The following PAH variants were observed in gnomAD, a reference collection of about 807,000 sequenced individuals.
The protein encoded by PAH is phenylalanine hydroxylase, also known as phenylalanine-4-hydroxylase.
A neutral mutation model predicts 62.0 loss-of-function variants in PAH; 64 were observed. That is an observed-to-expected ratio of 1.03 (90% CI 0.84 to 1.27). The LOEUF (loss-of-function observed/expected upper bound fraction) is 1.27. PAH is among the 50% of genes most tolerant of loss of function. The pLI, the probability that PAH is intolerant of heterozygous loss-of-function variation, is 0.00. For synonymous variants in PAH, 195 were observed against 196.2 expected, an observed-to-expected ratio of 0.99 and a Z score of 0.05; for missense variants, 579 against 542.8, an observed-to-expected ratio of 1.07 and a Z score of -0.66.
At chr12:102,880,904 A>G (rs554468135) in intron 3 of PAH, among the ~76,000 whole-genome samples, 44 of 151,786 alleles carry the variant, frequency 2.9e-4, no homozygotes, top group Middle Eastern at 7.0e-3. Flanking sequence ...ATAATTGAAC[A>G]ATAAAAAATG....
At chr12:102,929,126 T>C (rs1421358411) in intron 1 of PAH, among the ~76,000 whole-genome samples, 1 of 152,154 alleles carries the variant, frequency 6.6e-6, no homozygotes, top group Non-Finnish European at 1.5e-5. Flanking sequence ...CCTTCCACCA[T>C]GATTGTCAGT....
At chr12:102,871,949 A>AATATATATAT (rs1232144620) in intron 4 of PAH, among the ~76,000 whole-genome samples, 3 of 30,320 alleles carry the variant, frequency 9.9e-5, no homozygotes, top group African/African-American at 4.8e-4. Flanking sequence ...AAAAAAAAAA[A>AATATATATAT]ATATATATAT....
intron 4 of PAH, among the ~76,000 whole-genome samples, chr12:102,869,897 TAGC>T (rs1413203634): frequency 6.6e-6 from 1 of 152,244 alleles, no homozygotes; most frequent in Non-Finnish European, 1.5e-5. Context: ...TTTAGACTAA[TAGC>T]AGCAATTTCA....
Position 102,851,665 on chromosome 12 carries a change from G to A in PAH, c.912+22C>T, listed in dbSNP as rs746006793. On this transcript the variant is annotated intron_variant, in intron 8 of 12. Coordinates refer to ENST00000553106, the MANE Select transcript of PAH (RefSeq NM_000277.3). Reference sequence around the variant, plus strand: ...TCAGGTCACAGACCTATAACTAGAAGGCTAAAAAATCCATTCCTTACCTGG... The same window carrying A: ...TCAGGTCACAGACCTATAACTAGAAAGCTAAAAAATCCATTCCTTACCTGG... The A allele has an allele frequency of 2.5e-6, 4 of 1,607,824 alleles. No homozygotes were observed. The South Asian group carries it at 3.3e-5, about 13-fold the overall frequency.
chr12:102,958,252 G>A (rs2136784866), exon 1 of PAH: 1 of 1,472,506 alleles, frequency 6.8e-7, no homozygotes, highest in Non-Finnish European at 9.0e-7. Context: ...CGCATGGAAA[G>A]CTCTGCCAAG....
chr12:102,891,505 T>G (rs76239001), intron 3 of PAH, among the ~76,000 whole-genome samples: 6,430 of 152,260 alleles, frequency 0.042, 151 homozygotes, highest in African/African-American at 0.06. Context: ...ATGCCAGTGT[T>G]TATAATAATA....
At chr12:102,879,311 A>T (rs1876718712) in intron 3 of PAH, among the ~76,000 whole-genome samples, 1 of 151,876 alleles carries the variant, frequency 6.6e-6, no homozygotes, top group African/African-American at 2.4e-5. Flanking sequence ...TCTGGTACAT[A>T]AAACGTGACT....
intron 1 of PAH, among the ~76,000 whole-genome samples, chr12:102,925,092 A>G (rs1310067645): frequency 6.6e-6 from 1 of 152,162 alleles, no homozygotes. Context: ...TTCATAGAAT[A>G]AAAACTGCCT....
intron 1 of PAH, among the ~76,000 whole-genome samples, chr12:102,923,829 C>A (rs909112325): frequency 6.6e-6 from 1 of 152,132 alleles, no homozygotes; most frequent in Non-Finnish European, 1.5e-5. Flanking sequence ...TAAAGAGGTC[C>A]ATCCCACAAT....
At chr12:102,905,814 C>A (rs1877952084) in intron 2 of PAH, among the ~76,000 whole-genome samples, 1 of 147,868 alleles carries the variant, frequency 6.8e-6, no homozygotes, top group African/African-American at 2.5e-5. Flanking sequence ...ATCAGAGTCA[C>A]CAGTGGAATT....
chr12:102,913,055 G>A (rs1285654163), intron 1 of PAH, among the ~76,000 whole-genome samples, 157 bp from the exon 2 acceptor site: 1 of 152,166 alleles, frequency 6.6e-6, no homozygotes, highest in Non-Finnish European at 1.5e-5. Flanking sequence ...ATGTAGTGTG[G>A]TGGAAAATAA....
At chr12:102,873,282 G>T (rs1253945570) in intron 4 of PAH, among the ~76,000 whole-genome samples, 1 of 152,204 alleles carries the variant, frequency 6.6e-6, no homozygotes, top group Non-Finnish European at 1.5e-5. Flanking sequence ...GAATTTGATT[G>T]AAGGGATGTG....
intron 3 of PAH, among the ~76,000 whole-genome samples, chr12:102,889,576 G>A (rs1286830939): frequency 7.0e-6 from 1 of 141,882 alleles, no homozygotes; most frequent in African/African-American, 2.8e-5. Context: ...AGATAGACAG[G>A]CAGATAGGTC....
chr12:102,850,686 C>T (rs1218561383), intron 8 of PAH, among the ~76,000 whole-genome samples: 3 of 152,156 alleles, frequency 2.0e-5, no homozygotes, highest in African/African-American at 4.8e-5. Context: ...AGCCTAGGTA[C>T]ATCAGAACAC....
chr12:102,870,512 T>C (rs1014993820), intron 4 of PAH, among the ~76,000 whole-genome samples: 2 of 152,142 alleles, frequency 1.3e-5, no homozygotes, highest in Admixed American at 1.3e-4. Context: ...CAAAGCATGA[T>C]GCATTTGTGC....
At chr12:102,882,031 T>A (rs868776164) in intron 3 of PAH, among the ~76,000 whole-genome samples, 1 of 152,216 alleles carries the variant, frequency 6.6e-6, no homozygotes, top group Non-Finnish European at 1.5e-5. Context: ...TTGAGAAACT[T>A]TCATGCTGTT....
intron 5 of PAH, among the ~76,000 whole-genome samples, chr12:102,858,101 C>T (rs1429011533): frequency 1.3e-5 from 2 of 152,092 alleles, no homozygotes; most frequent in African/African-American, 4.8e-5. Flanking sequence ...CAGAGACACA[C>T]ATAGGCCCAA....
chr12:102,930,857 C>T (rs1285198215), intron 1 of PAH, among the ~76,000 whole-genome samples: 4 of 152,170 alleles, frequency 2.6e-5, no homozygotes, highest in African/African-American at 9.6e-5. Context: ...AGGCACAAAT[C>T]TTTAGTGGTT....
intron 1 of PAH, among the ~76,000 whole-genome samples, chr12:102,934,277 G>A (rs1879018179): frequency 6.6e-6 from 1 of 151,968 alleles, no homozygotes; most frequent in Admixed American, 6.6e-5. Flanking sequence ...CTCTTCCATT[G>A]CTCTGTGTGT....
Sources: gnomAD v4.1 joint callset for allele counts (sites outside exome capture counted in the v4.1 genomes callset) on GRCh38, gnomAD v4.1.1 for gene constraint, MANE v1.5 for transcripts, NCBI Gene and HGNC (gene_info 2026-07-23, HGNC 2026-07-21) for gene names.